The following SRF variants were observed in gnomAD, a reference collection of about 807,000 sequenced individuals.
The protein encoded by SRF is serum response factor, also known as c-fos serum response element-binding transcription factor.
Under a neutral mutation model 37.1 loss-of-function variants are expected in SRF, and 7 were observed. The observed-to-expected ratio is 0.19, with a 90% CI of 0.11 to 0.35. The LOEUF (loss-of-function observed/expected upper bound fraction) is 0.35. Ranked by LOEUF, SRF falls within the 10% of genes least tolerant of loss-of-function variation. The pLI is 1.00. For synonymous variants in SRF, 285 were observed against 310.1 expected, an observed-to-expected ratio of 0.92 and a Z score of 0.85; for missense variants, 395 against 694.4, an observed-to-expected ratio of 0.57 and a Z score of 4.85.
In SRF at chr6:43,172,136, C is replaced by T. The variant is rs766360318; in HGVS notation, c.480C>T (p.Thr160=). 2.5e-6 allele frequency: 4 copies of T among 1,611,974 alleles called. No individual in the cohort carries two copies. The South Asian group carries it at 3.3e-5, about 13-fold the overall frequency. The change falls in exon 1 of 7, where the codon ACC becomes ACT. Residue 160 remains threonine, a synonymous_variant. Coordinates refer to ENST00000265354, the MANE Select transcript of SRF (RefSeq NM_003131.4). The surrounding 1 kb of genome is among the most constrained non-coding windows in gnomAD (Gnocchi z 5.7). ...ACAACAAGCTGCGGCGCTACACGAC[C>T]TTCAGCAAGAGGAAGACGGGCATCA... ...FIDNKLRRYT[T]FSKRKTGIMK...
rs1263172070 is a variant in SRF at position 43,176,814 on chromosome 6, G to A, written c.1162+147G>A. The A allele has an allele frequency of 6.3e-6, 8 of 1,263,174 alleles. No individual in the cohort carries two copies. In the Admixed American group the frequency reaches 1.3e-4, roughly 21 times the overall value. 78.2% of individuals were successfully genotyped at this position (1,263,174 alleles called of 1,614,324 possible). A position where few individuals can be genotyped will look rare whatever the true frequency, so the allele number is the denominator to read the frequency against. On this transcript the variant is annotated intron_variant, in intron 4 of 6. Coordinates refer to ENST00000265354, the MANE Select transcript of SRF (RefSeq NM_003131.4). This position sits in a 1 kb window ranked among gnomAD's most constrained non-coding sequence, Gnocchi z 4.0. Reference sequence around the variant, plus strand: ...CTTTGGGCCTAATAATTATGGGGAAGTCAGGTGAGGATGACTGGGTTTTGA... The same window carrying A: ...CTTTGGGCCTAATAATTATGGGGAAATCAGGTGAGGATGACTGGGTTTTGA...
chr6:43,174,226 AC>A (rs924910391), intron 2 of SRF, 113 bp downstream of exon 2: 148 of 1,358,478 alleles, frequency 1.1e-4, no homozygotes, highest in Non-Finnish European at 1.4e-4. Context: ...CGGATTAACG[AC>A]CCTCGTCCTA....
Position 43,176,816 on chromosome 6 carries a change from C to A in SRF, c.1162+149C>A. The A allele has an allele frequency of 8.0e-7, 1 of 1,254,878 alleles. No individual in the cohort carries two copies. The highest frequency in any genetic ancestry group is 1.1e-6 in the Non-Finnish European group (1 of 918,598). 77.7% of individuals were successfully genotyped at this position (1,254,878 alleles called of 1,614,324 possible). On this transcript the variant is annotated intron_variant, in intron 4 of 6. Coordinates refer to ENST00000265354, the MANE Select transcript of SRF (RefSeq NM_003131.4). The surrounding 1 kb of genome is among the most constrained non-coding windows in gnomAD (Gnocchi z 4.0). ...TTGGGCCTAATAATTATGGGGAAGT[C>A]AGGTGAGGATGACTGGGTTTTGAAT...
At chr6:43,174,575 G>A (rs1242864378) in intron 2 of SRF, among the ~76,000 whole-genome samples, 1 of 152,250 alleles carries the variant, frequency 6.6e-6, no homozygotes, top group East Asian at 1.9e-4. Flanking sequence ...GGTGTTGGGG[G>A]CCTGGGCAGT....
At position 43,171,791 on chromosome 6, in the gene SRF, C is replaced by A. The variant is rs1165195914; in HGVS notation, c.135C>A (p.Pro45=). 2 of 1,218,084 alleles carry A rather than the reference C, an allele frequency of 1.6e-6. No homozygotes were observed. Among genetic ancestry groups the A allele is most frequent in the Non-Finnish European group, 1.0e-6 (1 of 979,784 alleles). The allele number at this position is 1,218,084 out of a possible 1,614,324, so 75.5% of individuals were successfully genotyped here. The change falls in exon 1 of 7, where the codon CCC becomes CCA. Residue 45 remains proline, a synonymous_variant. Transcript: ENST00000265354. The surrounding 1 kb of genome is among the most constrained non-coding windows in gnomAD (Gnocchi z 6.5). ...GCGGGGCTAACGGGGGCCGGGTCCC[C>A]GGGAATGGCGCGGGGCTCGGGCCCG... ...GTRGANGGRV[P]GNGAGLGPGR...
chr6:43,172,281 A>T lies in SRF; in HGVS notation c.513+112A>T. On this transcript the variant is annotated intron_variant, in intron 1 of 6. Transcript: ENST00000265354. The surrounding 1 kb of genome is among the most constrained non-coding windows in gnomAD (Gnocchi z 5.7). The stretch of plus-strand genomic sequence containing the variant: ...CGGAGGTGAGAGGCTGCGAGTCCGC[A>T]GGAGGTGTGTGGGAGGGGATGGCTC... The T allele has an allele frequency of 5.2e-5, 69 of 1,333,586 alleles. No individual in the cohort carries two copies. Among genetic ancestry groups the T allele is most frequent in the East Asian group, 2.5e-4 (7 of 27,522 alleles). The allele number at this position is 1,333,586 out of a possible 1,614,324, so 82.6% of individuals were successfully genotyped here. A position where few individuals can be genotyped will look rare whatever the true frequency, so the allele number is the denominator to read the frequency against.
Position 43,178,115 on chromosome 6 carries a change from C to G in SRF, c.1163-179C>G, listed in dbSNP as rs893561524. 1.3e-5 allele frequency among the ~76,000 whole-genome samples: 2 copies of G among 152,048 alleles called. No individual in the cohort carries two copies. Among genetic ancestry groups the G allele is most frequent in the Non-Finnish European group, 1.5e-5 (1 of 68,000 alleles). On this transcript the variant is annotated intron_variant, in intron 4 of 6. Coordinates refer to ENST00000265354, the MANE Select transcript of SRF (RefSeq NM_003131.4). This position sits in a 1 kb window ranked among gnomAD's most constrained non-coding sequence, Gnocchi z 4.3. ...GATAGGATACAATTAAAGATTGATG[C>G]TGTTGTGTTCAAGAAAAAATAGGCT...
rs997034001 is a variant in SRF, at chr6:43,181,396, CT to C, written c.*2207del. On this transcript the variant is annotated 3_prime_UTR_variant, in exon 7 of 7. Transcript: ENST00000265354. ...TGTATGTCAGTGGTTTCTACTTCCC[CT>C]GGGATGCTGACCCAGGAATAGTGGA... is the stretch of plus-strand genomic sequence containing the variant. The C allele has an allele frequency of 6.6e-6, 1 of 152,436 alleles. No homozygotes were observed. Among genetic ancestry groups the C allele is most frequent in the Non-Finnish European group, 1.5e-5 (1 of 68,046 alleles). 9.4% of individuals were successfully genotyped at this position (152,436 alleles called of 1,614,324 possible). A position where few individuals can be genotyped will look rare whatever the true frequency, so the allele number is the denominator to read the frequency against.
In SRF at chr6:43,178,002, A is replaced by G. The variant is rs563661816; in HGVS notation, c.1163-292A>G. Among the ~76,000 whole-genome samples, 13 of 152,028 alleles carry G rather than the reference A, an allele frequency of 8.6e-5. No homozygotes were observed. Among genetic ancestry groups the G allele is most frequent in the African/African-American group, 2.9e-4 (12 of 41,464 alleles). ...AAAAGGGGAGTATCTGAGTTTTCTG[A>G]GAGTAGGTCAGTCATAATCTTTGTT... On this transcript the variant is annotated intron_variant, in intron 4 of 6. Transcript: ENST00000265354. This position sits in a 1 kb window ranked among gnomAD's most constrained non-coding sequence, Gnocchi z 4.3.
Position 43,172,545 on chromosome 6 carries a change from G to A in SRF, c.513+376G>A. 2 of 844,224 alleles carry A rather than the reference G, an allele frequency of 2.4e-6. No homozygotes were observed. Among genetic ancestry groups the A allele is most frequent in the Non-Finnish European group, 2.9e-6 (2 of 701,036 alleles). 52.3% of individuals were successfully genotyped at this position (844,224 alleles called of 1,614,324 possible). A position where few individuals can be genotyped will look rare whatever the true frequency, so the allele number is the denominator to read the frequency against. ...GTCCAGTGCACTCCGGTGTTCGGAC[G>A]AGGGCGCCGGAAAAGCAGGGAGCAA... On this transcript the variant is annotated intron_variant, in intron 1 of 6. Transcript: ENST00000265354. This position sits in a 1 kb window ranked among gnomAD's most constrained non-coding sequence, Gnocchi z 5.7.
Position 43,172,795 on chromosome 6 carries a change from C to T in SRF, c.513+626C>T, listed in dbSNP as rs1050745303. Among the ~76,000 whole-genome samples, 1 of 152,134 alleles carries T rather than the reference C, an allele frequency of 6.6e-6. No homozygotes were observed. Among genetic ancestry groups the T allele is most frequent in the African/African-American group, 2.4e-5 (1 of 41,430 alleles). On this transcript the variant is annotated intron_variant, in intron 1 of 6. Transcript: ENST00000265354. This position sits in a 1 kb window ranked among gnomAD's most constrained non-coding sequence, Gnocchi z 5.7. Reference sequence around the variant, plus strand: ...TGGCATCCACTGGGAACCACATGCTCCTGGCAGGACCCGCTGCAGAATCTC... The same window carrying T: ...TGGCATCCACTGGGAACCACATGCTTCTGGCAGGACCCGCTGCAGAATCTC...
Position 43,171,966 on chromosome 6 carries a change from G to A in SRF, c.310G>A (p.Glu104Lys). The A allele has an allele frequency of 2.0e-6, 3 of 1,528,720 alleles. No individual in the cohort carries two copies. Among genetic ancestry groups the A allele is most frequent in the South Asian group, 1.2e-5 (1 of 82,244 alleles). The allele number at this position is 1,528,720 out of a possible 1,614,324, so 94.7% of individuals were successfully genotyped here. The change falls in exon 1 of 7, where the codon GAG becomes AAG. Residue 104 changes from glutamate to lysine, a missense_variant. Glu to Lys is a moderately conservative substitution (Grantham distance 56). This residue lies in a region of SRF where 134 missense variants were observed against 204.5 expected (regional missense o/e 0.66). Transcript: ENST00000265354. This position sits in a 1 kb window ranked among gnomAD's most constrained non-coding sequence, Gnocchi z 6.5. ...GCGCGGCCTGAAGCGGAGCCTGAGC[G>A]AGATGGAGATCGGTATGGTGGTCGG... Reference protein sequence around the residue: ...ERRGLKRSLSEMEIGMVVGGP... With the variant: ...ERRGLKRSLSKMEIGMVVGGP...
At position 43,179,197 on chromosome 6, in the gene SRF, C is replaced by T. The variant is rs377482725; in HGVS notation, c.*7C>T. 68 of 1,613,998 alleles carry T rather than the reference C, an allele frequency of 4.2e-5. No individual in the cohort carries two copies. Among genetic ancestry groups the T allele is most frequent in the Non-Finnish European group, 5.3e-5 (63 of 1,179,978 alleles). On this transcript the variant is annotated 3_prime_UTR_variant, in exon 7 of 7. Coordinates refer to ENST00000265354, the MANE Select transcript of SRF (RefSeq NM_003131.4). This position sits in a 1 kb window ranked among gnomAD's most constrained non-coding sequence, Gnocchi z 5.3. ...CAGCACCAAGAGTGAATGATCCGCC[C>T]GCCGCCCTGGACAGATGGCCCAAGG...
chr6:43,174,881 T>C (rs1483677677), intron 2 of SRF, among the ~76,000 whole-genome samples: 1 of 152,242 alleles, frequency 6.6e-6, no homozygotes, highest in Non-Finnish European at 1.5e-5. Context: ...GGCTTGGTTC[T>C]CAGTTTCCTT....
chr6:43,179,274 T>A lies in SRF; in HGVS notation c.*84T>A. 1 of 1,447,106 alleles carries A rather than the reference T, an allele frequency of 6.9e-7. No homozygotes were observed. Among genetic ancestry groups the A allele is most frequent in the Non-Finnish European group, 9.6e-7 (1 of 1,045,526 alleles). 89.6% of individuals were successfully genotyped at this position (1,447,106 alleles called of 1,614,324 possible). ...TTTTCACGTTTTCTTTACACACACG[T>A]TGACGGGCCGCAGGAGGGAGGCGGG... On this transcript the variant is annotated 3_prime_UTR_variant, in exon 7 of 7. Coordinates refer to ENST00000265354, the MANE Select transcript of SRF (RefSeq NM_003131.4). The surrounding 1 kb of genome is among the most constrained non-coding windows in gnomAD (Gnocchi z 5.3).
chr6:43,172,522 C>G lies in SRF; in HGVS notation c.513+353C>G. The G allele has an allele frequency of 1.1e-6, 1 of 939,532 alleles. No homozygotes were observed. Among genetic ancestry groups the G allele is most frequent in the Non-Finnish European group, 1.3e-6 (1 of 788,172 alleles). The allele number at this position is 939,532 out of a possible 1,614,324, so 58.2% of individuals were successfully genotyped here. On this transcript the variant is annotated intron_variant, in intron 1 of 6. Coordinates refer to ENST00000265354, the MANE Select transcript of SRF (RefSeq NM_003131.4). The surrounding 1 kb of genome is among the most constrained non-coding windows in gnomAD (Gnocchi z 5.7). ...TAATGAGAACCCGGGATCAGTAGGT[C>G]CAGTGCACTCCGGTGTTCGGACGAG...
intron 4 of SRF, among the ~76,000 whole-genome samples, chr6:43,177,165 C>T (rs1772213384): frequency 6.6e-6 from 1 of 151,450 alleles, no homozygotes; most frequent in African/African-American, 2.4e-5. Flanking sequence ...ACCAGCATTA[C>T]CTGGGAGCTT....
rs6914964 is a variant in SRF at position 43,178,649 on chromosome 6, A to G, written c.1355-157A>G. Among the ~76,000 whole-genome samples the G allele has an allele frequency of 0.15, 22,156 of 152,004 alleles. 2,067 individuals are homozygous for G. Among genetic ancestry groups the G allele is most frequent in the African/African-American group, 0.27 (11,041 of 41,428 alleles). On this transcript the variant is annotated intron_variant, in intron 5 of 6. Transcript: ENST00000265354. This position sits in a 1 kb window ranked among gnomAD's most constrained non-coding sequence, Gnocchi z 4.3. ...ACACATTTGGACACCCCACTTGGAC[A>G]CTCACACCCGCATGCACCCTCAGAC...
chr6:43,175,565 G>A lies in SRF; in HGVS notation c.781-141G>A, dbSNP rs1472283100. ...CTCAGTAGATCAATAACTTACCTAA[G>A]AGTCAGGCATCAGGTAAATGGTGGC... On this transcript the variant is annotated intron_variant, in intron 2 of 6. Coordinates refer to ENST00000265354, the MANE Select transcript of SRF (RefSeq NM_003131.4). The A allele has an allele frequency of 8.5e-6, 9 of 1,062,916 alleles. No individual in the cohort carries two copies. The African/African-American group carries it at 1.3e-4, about 15-fold the overall frequency. 65.8% of individuals were successfully genotyped at this position (1,062,916 alleles called of 1,614,324 possible). A position where few individuals can be genotyped will look rare whatever the true frequency, so the allele number is the denominator to read the frequency against.
Sources: allele counts gnomAD v4.1 joint callset (sites outside exome capture counted in the v4.1 genomes callset), GRCh38; gene constraint gnomAD v4.1.1; regional missense constraint gnomAD v4.1.1; non-coding constraint Gnocchi (gnomAD v3.1); transcripts MANE v1.5; gene names NCBI Gene and HGNC (gene_info 2026-07-23, HGNC 2026-07-21).